Variants in CACHD1 observed in about 807,000 individuals in gnomAD.
The protein encoded by CACHD1 is cache domain containing 1, also known as VWFA and cache domain-containing protein 1.
In CACHD1, 71 loss-of-function variants were observed where a neutral mutation model predicts 138.7. The observed-to-expected ratio is 0.51, with a 90% CI of 0.42 to 0.62. The LOEUF (loss-of-function observed/expected upper bound fraction) is 0.62, where lower values mean the gene tolerates loss of function less well. Ranked by LOEUF, CACHD1 falls within the 20% of genes least tolerant of loss-of-function variation. CACHD1 has a pLI of 0.00. For missense variants in CACHD1, 1,389 were observed against 1,625.3 expected (o/e 0.85, Z 2.50); for synonymous variants, 578 against 591.5 (o/e 0.98, Z 0.33).
chr1:64,627,607 C>T (rs546678931), intron 4 of CACHD1, among the ~76,000 whole-genome samples: 1 of 152,202 alleles, frequency 6.6e-6, no homozygotes, highest in African/African-American at 2.4e-5. Flanking sequence ...AACCATCACC[C>T]CCACAATATC....
intron 7 of CACHD1, among the ~76,000 whole-genome samples, chr1:64,634,932 G>A (rs1407771285): frequency 2.3e-5 from 3 of 131,452 alleles, no homozygotes; most frequent in African/African-American, 8.6e-5. Flanking sequence ...GGAGGCAGAG[G>A]TTGCAGTAAG....
intron 26 of CACHD1, among the ~76,000 whole-genome samples, chr1:64,687,316 C>T (rs1440253662): frequency 1.3e-5 from 2 of 152,184 alleles, no homozygotes; most frequent in Non-Finnish European, 2.9e-5. Context: ...TTGTCTTTCT[C>T]CTGCTTTTCC....
intron 1 of CACHD1, among the ~76,000 whole-genome samples, chr1:64,515,812 A>G (rs116229801): frequency 0.014 from 2,174 of 152,318 alleles, 54 homozygotes; most frequent in African/African-American, 0.05. Flanking sequence ...CTACGATTAT[A>G]GAAAGGTGGC....
intron 9 of CACHD1, 69 bp from the exon 10 acceptor site, chr1:64,652,092 G>A (rs1442168594): frequency 5.2e-6 from 7 of 1,358,994 alleles, no homozygotes; most frequent in Non-Finnish European, 7.0e-6. Context: ...ATTCACCGGA[G>A]CACAGTTCCA....
chr1:64,654,122 TC>T (rs1199931909), intron 11 of CACHD1, among the ~76,000 whole-genome samples: 2 of 152,336 alleles, frequency 1.3e-5, no homozygotes, highest in South Asian at 2.1e-4. Context: ...AATTTTATGT[TC>T]ACATTGACTT....
intron 21 of CACHD1, 37 bp from the exon 22 acceptor site, chr1:64,676,858 G>C: frequency 6.5e-7 from 1 of 1,537,958 alleles, no homozygotes; most frequent in Non-Finnish European, 9.0e-7. Flanking sequence ...AATGTGGGCG[G>C]TGGTCGTCTT....
chr1:64,557,193 A>G (rs765805372), intron 2 of CACHD1, among the ~76,000 whole-genome samples: 64 of 152,266 alleles, frequency 4.2e-4, no homozygotes, highest in Non-Finnish European at 7.8e-4. Flanking sequence ...ATCAAGAAAA[A>G]TAAATTTCTG....
intron 8 of CACHD1, among the ~76,000 whole-genome samples, chr1:64,645,748 C>T (rs1012458725): frequency 6.6e-6 from 1 of 152,114 alleles, no homozygotes; most frequent in African/African-American, 2.4e-5. Flanking sequence ...GCATCTGGAA[C>T]ATGGCTGGGG....
intron 1 of CACHD1, among the ~76,000 whole-genome samples, chr1:64,493,202 A>G (rs931691786): frequency 6.6e-6 from 1 of 152,182 alleles, no homozygotes; most frequent in African/African-American, 2.4e-5. Context: ...AAGATTTTTT[A>G]TTTTATCTTA....
chr1:64,583,429 G>A (rs866300969), intron 3 of CACHD1, among the ~76,000 whole-genome samples: 60 of 152,284 alleles, frequency 3.9e-4, no homozygotes, highest in African/African-American at 1.4e-3. Flanking sequence ...GTGTCTTTGA[G>A]CAACCCTGTC....
chr1:64,544,816 T>C (rs1420824754), intron 1 of CACHD1, among the ~76,000 whole-genome samples: 1 of 152,184 alleles, frequency 6.6e-6, no homozygotes, highest in East Asian at 1.9e-4. Context: ...GTAACATACC[T>C]TTAGAACATC....
At chr1:64,514,492 A>G (rs187671916) in intron 1 of CACHD1, among the ~76,000 whole-genome samples, 2 of 152,248 alleles carry the variant, frequency 1.3e-5, no homozygotes, top group East Asian at 1.9e-4. Context: ...CATTGTAACA[A>G]AGGAATTCCT....
chr1:64,524,901 G>A (rs191762096), intron 1 of CACHD1, among the ~76,000 whole-genome samples: 1 of 152,174 alleles, frequency 6.6e-6, no homozygotes, highest in Admixed American at 6.5e-5. Flanking sequence ...CCATGTATGA[G>A]AGACTCATTT....
At chr1:64,669,809 A>C (rs1649757840) in intron 16 of CACHD1, among the ~76,000 whole-genome samples, 2 of 152,094 alleles carry the variant, frequency 1.3e-5, no homozygotes, top group African/African-American at 2.4e-5. Flanking sequence ...CTGTTGCTTT[A>C]GCATGTTTAT....
intron 1 of CACHD1, among the ~76,000 whole-genome samples, chr1:64,520,022 C>T (rs1442782889): frequency 6.6e-6 from 1 of 152,214 alleles, no homozygotes; most frequent in African/African-American, 2.4e-5. Context: ...ACTCTCTATG[C>T]TTGATAAAGT....
At chr1:64,517,150 C>T (rs774965477) in intron 1 of CACHD1, among the ~76,000 whole-genome samples, 51 of 152,136 alleles carry the variant, frequency 3.4e-4, no homozygotes, top group Non-Finnish European at 6.2e-4. Context: ...AGTGACATCT[C>T]GTTTATTCAA....
At chr1:64,598,270 C>T (rs575155189) in intron 3 of CACHD1, among the ~76,000 whole-genome samples, 30 of 152,296 alleles carry the variant, frequency 2.0e-4, no homozygotes, top group African/African-American at 6.7e-4. Context: ...CTGACCGGCA[C>T]ATCAGTGGTA....
chr1:64,499,192 A>G (rs557695928), intron 1 of CACHD1, among the ~76,000 whole-genome samples: 11 of 152,214 alleles, frequency 7.2e-5, no homozygotes, highest in African/African-American at 2.6e-4. Context: ...TTTTTCCCAG[A>G]CTGGATGATG....
At chr1:64,513,025 G>A (rs892859177) in intron 1 of CACHD1, among the ~76,000 whole-genome samples, 28 of 152,124 alleles carry the variant, frequency 1.8e-4, no homozygotes, top group Non-Finnish European at 4.1e-4. Flanking sequence ...CTGACAGCCT[G>A]CCACCAGAGT....
Sources: allele counts gnomAD v4.1 joint callset (sites outside exome capture counted in the v4.1 genomes callset), GRCh38; gene constraint gnomAD v4.1.1; transcripts MANE v1.5; gene names NCBI Gene and HGNC (gene_info 2026-07-23, HGNC 2026-07-21).